Variants in KTN1 observed in about 807,000 individuals in gnomAD.
KTN1 encodes the protein kinectin.
A neutral mutation model predicts 222.5 loss-of-function variants in KTN1; 130 were observed. The ratio of observed to expected loss-of-function variants is 0.58; its 90% confidence interval spans 0.51 to 0.68. The LOEUF is 0.68. Ranked by LOEUF, KTN1 falls within the 30% of genes least tolerant of loss-of-function variation. The pLI is 0.00. For synonymous variants in KTN1, 512 were observed against 496.3 expected (o/e 1.03, Z -0.42); for missense variants, 1,508 against 1,500.4 (o/e 1.01, Z -0.08).
At chr14:55,641,349 C>A in intron 17 of KTN1, 141 bp downstream of exon 17, 1 of 598,996 alleles carries the variant, frequency 1.7e-6, no homozygotes, top group East Asian at 2.9e-5. Context: ...CTTATGCAAA[C>A]CATGAATTTT....
chr14:55,639,423 C>T, intron 13 of KTN1, among the ~76,000 whole-genome samples: 2 of 118,196 alleles, frequency 1.7e-5, no homozygotes, highest in South Asian at 2.6e-4. Context: ...ATTATATATT[C>T]TGCTTTTATT....
intron 43 of KTN1, chr14:55,682,309 C>A (rs996025110): frequency 1.3e-5 from 2 of 152,056 alleles, no homozygotes; most frequent in Non-Finnish European, 2.9e-5. Flanking sequence ...TACCATCCTC[C>A]GCTTTCCATT....
chr14:55,627,986 A>T lies in KTN1; in HGVS notation c.1038A>T (p.Glu346Asp). The change falls in exon 6 of 44, where the codon GAA (glutamate) becomes GAT (aspartate). Residue 346 changes from glutamate to aspartate, a missense_variant. By Grantham distance (45) the Glu-to-Asp change is conservative. Coordinates refer to ENST00000395314, the MANE Select transcript of KTN1 (RefSeq NM_001079521.2). ...ACAAGTTACTCGCTGCTGTGAAGGAAGATGCTGCTGCTACAAAGGATCGGT... is the reference window on the plus strand; with the variant it reads ...ACAAGTTACTCGCTGCTGTGAAGGATGATGCTGCTGCTACAAAGGATCGGT... ...EKDKLLAAVK[E>D]DAAATKDRCK... is the part of the protein sequence containing the mutation. The T allele has an allele frequency of 1.2e-6, 2 of 1,613,892 alleles. No homozygotes were observed. The highest frequency in any genetic ancestry group is 1.7e-6 in the Non-Finnish European group (2 of 1,179,784).
At chr14:55,655,476 T>C (rs76306888) in intron 28 of KTN1, among the ~76,000 whole-genome samples, 4,666 of 152,292 alleles carry the variant, frequency 0.031, 200 homozygotes, top group African/African-American at 0.094. Context: ...CTTTCTGGCA[T>C]TGGGGATACC....
At chr14:55,654,996 T>C (rs748161187) in intron 28 of KTN1, among the ~76,000 whole-genome samples, 20 of 152,170 alleles carry the variant, frequency 1.3e-4, no homozygotes, top group South Asian at 2.1e-4. Context: ...TTCTTTTTTT[T>C]TGGGACAGAG....
chr14:55,652,988 C>G (rs2043096037), intron 26 of KTN1, 29 bp from the exon 27 acceptor site: 6 of 1,581,194 alleles, frequency 3.8e-6, no homozygotes, highest in Non-Finnish European at 4.3e-6. Flanking sequence ...ACTTGACTAT[C>G]AATTTAATTT....
chr14:55,668,912 A>G lies in KTN1; in HGVS notation c.3267+1582A>G, dbSNP rs560530926. ...TTTGTTTCCATTGTAACTATCGAGG[A>G]TATGTTCCGATCTGATCAGTTTAGG... On this transcript the variant is annotated intron_variant, in intron 34 of 43. Transcript: ENST00000395314. The G allele has an allele frequency of 2.2e-4, 33 of 152,138 alleles. 1 individual carries two copies. The South Asian group carries it at 5.2e-3, about 24-fold the overall frequency. 9.4% of individuals were successfully genotyped at this position (152,138 alleles called of 1,614,324 possible).
Position 55,649,922 on chromosome 14 carries a change from T to A in KTN1, c.2405+109T>A, listed in dbSNP as rs2042771157. The stretch of plus-strand genomic sequence containing the variant: ...TGCAGTTGGGACAGCTGATGTATGT[T>A]TAACTTTCACTCTATAATTTTTCTT... On this transcript the variant is annotated intron_variant, in intron 22 of 43. Transcript: ENST00000395314. The A allele has an allele frequency of 8.5e-6, 5 of 591,674 alleles. No homozygotes were observed. The Admixed American group carries it at 1.9e-4, about 22-fold the overall frequency. The allele number at this position is 591,674 out of a possible 1,614,324, so 36.7% of individuals were successfully genotyped here.
intron 12 of KTN1, 79 bp from the exon 13 acceptor site, chr14:55,639,106 T>G: frequency 1.1e-6 from 1 of 924,938 alleles, no homozygotes; most frequent in Non-Finnish European, 1.7e-6. Context: ...CTCTTAAAAT[T>G]TAAAGCTGTT....
chr14:55,676,890 A>T (rs548779507), intron 41 of KTN1, among the ~76,000 whole-genome samples: 6 of 152,264 alleles, frequency 3.9e-5, no homozygotes, highest in Admixed American at 2.0e-4. Context: ...TAGAGGACAA[A>T]CTTTGATGCT....
chr14:55,580,802 G>C (rs1308844087), intron 1 of KTN1, among the ~76,000 whole-genome samples: 3 of 152,294 alleles, frequency 2.0e-5, no homozygotes, highest in African/African-American at 7.2e-5. Context: ...CGGAGGCAGC[G>C]CGTCTCCGGC....
At chr14:55,619,370 A>G (rs2050408048) in intron 5 of KTN1, 58 bp downstream of exon 5, 3 of 1,555,084 alleles carry the variant, frequency 1.9e-6, no homozygotes, top group Non-Finnish European at 2.6e-6. Context: ...AGTTCACCAA[A>G]CAAGACTTTA....
rs986984117 is a variant in KTN1 at position 55,670,919 on chromosome 14, T to G, written c.3348+110T>G. The G allele has an allele frequency of 4.6e-6, 3 of 651,324 alleles. No homozygotes were observed. The African/African-American group carries it at 5.6e-5, about 12-fold the overall frequency. 40.3% of individuals were successfully genotyped at this position (651,324 alleles called of 1,614,324 possible). ...TAAAAGATAATCGAATAAGGCTCTT[T>G]TGAGAAAGTGTAAGAAGGTGATTTC... On this transcript the variant is annotated intron_variant, in intron 35 of 43. Transcript: ENST00000395314.
rs1472361794 is a variant in KTN1 at position 55,605,444 on chromosome 14, A to T, written c.-30-6575A>T. ...TATATCTGGATAATAATTTTTAAAA[A>T]CCTTAAGGAGCCTGGCTTGGGGAAG... On this transcript the variant is annotated intron_variant, in intron 1 of 43. Transcript: ENST00000395314. Among the ~76,000 whole-genome samples the T allele has an allele frequency of 2.0e-5, 3 of 151,892 alleles. No homozygotes were observed. In the East Asian group the frequency reaches 5.8e-4, roughly 29 times the overall value.
intron 25 of KTN1, among the ~76,000 whole-genome samples, chr14:55,652,592 G>A (rs1595122367): frequency 6.6e-6 from 1 of 152,014 alleles, no homozygotes; most frequent in African/African-American, 2.4e-5. Flanking sequence ...GTAGAGACGG[G>A]GTTTCACCGT....
rs1181630835 is a variant in KTN1, at chr14:55,650,604, A to T, written c.2532A>T (p.Glu844Asp). 10 of 1,612,678 alleles carry T rather than the reference A, an allele frequency of 6.2e-6. No individual in the cohort carries two copies. The highest frequency in any genetic ancestry group is 8.5e-6 in the Non-Finnish European group (10 of 1,178,932). ...AGGAAATAAAGGCTCTAAAAGAAGA[A>T]ATAGGAAATGTCCAGCTTGAAAAGG... is the stretch of plus-strand genomic sequence containing the variant. ...LKQEIKALKE[E>D]IGNVQLEKAQ... Residue 844 changes from glutamate to aspartate, a missense_variant, in exon 24 of 44, where the codon GAA becomes GAT. Glu to Asp is a conservative substitution (Grantham distance 45, BLOSUM62 2). Coordinates refer to ENST00000395314, the MANE Select transcript of KTN1 (RefSeq NM_001079521.2).
intron 6 of KTN1, among the ~76,000 whole-genome samples, chr14:55,628,921 A>G (rs1489158329): frequency 6.6e-6 from 1 of 152,222 alleles, no homozygotes; most frequent in African/African-American, 2.4e-5. Flanking sequence ...ATTTGTAAAG[A>G]TGAATGAACA....
intron 1 of KTN1, among the ~76,000 whole-genome samples, chr14:55,581,076 C>T (rs148673846): frequency 2.6e-5 from 4 of 152,354 alleles, no homozygotes; most frequent in East Asian, 3.9e-4. Flanking sequence ...TTCGGCCTGA[C>T]CCCTTCAGTT....
At chr14:55,678,734 G>A (rs1306091235) in intron 42 of KTN1, 1 of 318,716 alleles carries the variant, frequency 3.1e-6, no homozygotes, top group Admixed American at 4.2e-5. Flanking sequence ...TGAGTGGTGG[G>A]TGAATGACCA....
Sources: gnomAD v4.1 joint callset for allele counts (sites outside exome capture counted in the v4.1 genomes callset) on GRCh38, gnomAD v4.1.1 for gene constraint, MANE v1.5 for transcripts, NCBI Gene and HGNC (gene_info 2026-07-23, HGNC 2026-07-21) for gene names.